The following NBEA variants were observed in gnomAD, a reference collection of about 807,000 sequenced individuals.
The protein encoded by NBEA is neurobeachin.
In NBEA, 44 loss-of-function variants were observed where a neutral mutation model predicts 343.4. The observed-to-expected ratio is 0.13, with a 90% CI of 0.10 to 0.16. The LOEUF is 0.16. Ranked by LOEUF, NBEA falls within the 10% of genes least tolerant of loss-of-function variation. NBEA has a pLI of 1.00. For missense variants in NBEA, 2,555 were observed against 3,631.3 expected, an observed-to-expected ratio of 0.70 and a Z score of 7.62; for synonymous variants, 1,175 against 1,238.7, an observed-to-expected ratio of 0.95 and a Z score of 1.08.
intron 18 of NBEA, among the ~76,000 whole-genome samples, chr13:35,143,350 T>G (rs1230906142): frequency 6.6e-6 from 1 of 152,182 alleles, no homozygotes; most frequent in East Asian, 1.9e-4. Context: ...CTCAACAGTG[T>G]TTCATGTACC....
intron 53 of NBEA, among the ~76,000 whole-genome samples, chr13:35,654,435 A>G (rs142124012): frequency 2.1e-3 from 313 of 152,336 alleles, no homozygotes; most frequent in Admixed American, 3.6e-3. Context: ...CCATCTGAAA[A>G]TGACAGACTT....
chr13:35,447,741 T>A (rs1467428087), intron 39 of NBEA, among the ~76,000 whole-genome samples: 1 of 152,148 alleles, frequency 6.6e-6, no homozygotes, highest in African/African-American at 2.4e-5. Flanking sequence ...GTTCTGGTAG[T>A]TTGTGGTATT....
chr13:35,557,678 A>G (rs1394043344), intron 44 of NBEA, among the ~76,000 whole-genome samples: 1 of 152,158 alleles, frequency 6.6e-6, no homozygotes, highest in African/African-American at 2.4e-5. Flanking sequence ...AAAATTAACA[A>G]TAGGGACTAG....
chr13:35,125,172 ACT>A (rs558846115), intron 17 of NBEA, among the ~76,000 whole-genome samples: 1 of 152,098 alleles, frequency 6.6e-6, no homozygotes, highest in African/African-American at 2.4e-5. Flanking sequence ...TAAAAAATGT[ACT>A]CTCTATCACA....
At chr13:35,592,740 G>A (rs759278557) in intron 46 of NBEA, among the ~76,000 whole-genome samples, 20 of 151,988 alleles carry the variant, frequency 1.3e-4, no homozygotes, top group Non-Finnish European at 2.2e-4. Context: ...AAACAAATTA[G>A]GTAGTTTAGA....
intron 30 of NBEA, among the ~76,000 whole-genome samples, chr13:35,187,092 A>G (rs2071772953): frequency 6.6e-6 from 1 of 152,104 alleles, no homozygotes; most frequent in Admixed American, 6.6e-5. Flanking sequence ...GTAATTTACA[A>G]TTGGTAAATA....
chr13:35,390,751 GTTTTTA>G, intron 38 of NBEA, among the ~76,000 whole-genome samples: 1 of 151,940 alleles, frequency 6.6e-6, no homozygotes, highest in Non-Finnish European at 1.5e-5. Flanking sequence ...GGAAAATTTT[GTTTTTA>G]TTAAAGTAGT....
chr13:35,013,247 G>C (rs1055478134), intron 1 of NBEA, among the ~76,000 whole-genome samples: 1 of 152,052 alleles, frequency 6.6e-6, no homozygotes, highest in African/African-American at 2.4e-5. Flanking sequence ...TCCAGTGTTT[G>C]TATATAACCC....
At chr13:35,545,668 CG>C (rs1425910296) in intron 41 of NBEA, among the ~76,000 whole-genome samples, 3 of 152,132 alleles carry the variant, frequency 2.0e-5, no homozygotes, top group Admixed American at 2.0e-4. Flanking sequence ...ATGTGAGAGG[CG>C]TAAGTCCATA....
At chr13:35,381,923 C>G (rs9544188) in intron 38 of NBEA, among the ~76,000 whole-genome samples, 1 of 151,908 alleles carries the variant, frequency 6.6e-6, no homozygotes, top group Non-Finnish European at 1.5e-5. Context: ...TTTTAATTAT[C>G]TTCTTCTATT....
intron 44 of NBEA, among the ~76,000 whole-genome samples, chr13:35,561,151 T>C (rs982297534): frequency 3.9e-5 from 6 of 152,226 alleles, no homozygotes; most frequent in Admixed American, 6.5e-5. Context: ...ATGACTCTTA[T>C]GATAGGGCAT....
intron 35 of NBEA, among the ~76,000 whole-genome samples, chr13:35,308,210 T>A (rs952713274): frequency 5.3e-5 from 8 of 151,460 alleles, no homozygotes; most frequent in African/African-American, 1.9e-4. Flanking sequence ...GAAGGGTTGA[T>A]ACAGAGACTG....
chr13:35,648,180 CTTTTT>C (rs949635885), intron 51 of NBEA, among the ~76,000 whole-genome samples: 13 of 104,184 alleles, frequency 1.2e-4, no homozygotes, highest in African/African-American at 4.5e-4. Context: ...TGTTTAAACT[CTTTTT>C]TTTTTTTTTT....
chr13:35,218,129 T>G lies in NBEA; in HGVS notation c.5648+6950T>G, dbSNP rs542626063. Reference sequence around the variant, plus strand: ...TGATGGGGGAGCTCACCTCATTGGTTTCCCTGTCCTTAGGGTTCATAGTCC... The same window carrying G: ...TGATGGGGGAGCTCACCTCATTGGTGTCCCTGTCCTTAGGGTTCATAGTCC... On this transcript the variant is annotated intron_variant, in intron 33 of 58. Transcript: ENST00000379939. 2.6e-5 allele frequency among the ~76,000 whole-genome samples: 4 copies of G among 152,202 alleles called. No individual in the cohort carries two copies. The South Asian group carries it at 6.2e-4, about 24-fold the overall frequency.
chr13:35,020,374 T>A (rs1187882491), intron 1 of NBEA, among the ~76,000 whole-genome samples: 1 of 152,186 alleles, frequency 6.6e-6, no homozygotes, highest in Non-Finnish European at 1.5e-5. Context: ...TCCTTTAAAT[T>A]TATTGAGATT....
intron 38 of NBEA, among the ~76,000 whole-genome samples, chr13:35,427,306 T>A (rs1423286893): frequency 2.0e-5 from 3 of 152,122 alleles, no homozygotes; most frequent in African/African-American, 7.2e-5. Flanking sequence ...TACAGATGGG[T>A]TTTTGGTGTG....
At chr13:35,370,228 G>A (rs957226432) in intron 38 of NBEA, among the ~76,000 whole-genome samples, 2 of 151,846 alleles carry the variant, frequency 1.3e-5, no homozygotes, top group African/African-American at 4.8e-5. Context: ...TGTGCTGAGT[G>A]CATATATGTT....
chr13:35,525,717 T>C (rs1165981173), intron 41 of NBEA, among the ~76,000 whole-genome samples: 1 of 152,184 alleles, frequency 6.6e-6, no homozygotes, highest in Non-Finnish European at 1.5e-5. Context: ...ATCAAGTTAT[T>C]TATAGACAAC....
chr13:35,394,402 A>G (rs2042643481), intron 38 of NBEA, among the ~76,000 whole-genome samples: 2 of 152,098 alleles, frequency 1.3e-5, no homozygotes, highest in Admixed American at 6.6e-5. Flanking sequence ...CTTCAAGTAT[A>G]TATGTGATCA....
Sources: gnomAD v4.1 joint callset for allele counts (sites outside exome capture counted in the v4.1 genomes callset) on GRCh38, gnomAD v4.1.1 for gene constraint, MANE v1.5 for transcripts, NCBI Gene and HGNC (gene_info 2026-07-23, HGNC 2026-07-21) for gene names.